The following NUTF2 variants were observed in gnomAD, a reference collection of about 807,000 sequenced individuals.
The protein encoded by NUTF2 is placental protein 15.
Under a neutral mutation model 18.5 loss-of-function variants are expected in NUTF2, and 3 were observed. The observed-to-expected ratio is 0.16, with a 90% confidence interval of 0.07 to 0.42. The LOEUF is 0.42. Ranked by LOEUF, NUTF2 falls within the 10% of genes least tolerant of loss-of-function variation. NUTF2 has a pLI of 0.99. For missense variants in NUTF2, 44 were observed against 160.7 expected (o/e 0.27, Z 3.93); for synonymous variants, 51 against 57.9 (o/e 0.88, Z 0.54).
intron 1 of NUTF2, among the ~76,000 whole-genome samples, chr16:67,862,488 C>T (rs1374052697): frequency 6.6e-6 from 1 of 152,132 alleles, no homozygotes; most frequent in Non-Finnish European, 1.5e-5. Flanking sequence ...TTCCTTTATC[C>T]CTCCACCCCA....
At chr16:67,856,226 T>C (rs1422444246) in intron 1 of NUTF2, 3 of 235,406 alleles carry the variant, frequency 1.3e-5, no homozygotes, top group Non-Finnish European at 2.5e-5. Flanking sequence ...ACAGTCTCGC[T>C]CTGTCGCCTA....
intron 1 of NUTF2, among the ~76,000 whole-genome samples, chr16:67,849,736 G>T (rs1213832333): frequency 1.3e-5 from 2 of 151,690 alleles, no homozygotes; most frequent in Admixed American, 1.3e-4. Flanking sequence ...TCTGCTCATT[G>T]CAAGCTCCGC....
Position 67,871,774 on chromosome 16 carries a change from T to C in NUTF2, c.*861T>C, listed in dbSNP as rs1338844585. Reference sequence around the variant, plus strand: ...TCTATCCCCAGAAGGATCAGGATCATATCCAGGATGCCCCACATACACCAA... The same window carrying C: ...TCTATCCCCAGAAGGATCAGGATCACATCCAGGATGCCCCACATACACCAA... On this transcript the variant is annotated 3_prime_UTR_variant, in exon 5 of 5. Transcript: ENST00000219169. 7 of 152,364 alleles carry C rather than the reference T, an allele frequency of 4.6e-5. No individual in the cohort carries two copies. The highest frequency in any genetic ancestry group is 1.7e-4 in the African/African-American group (7 of 41,570). 9.4% of individuals were successfully genotyped at this position (152,364 alleles called of 1,614,324 possible). A position where few individuals can be genotyped will look rare whatever the true frequency, so the allele number is the denominator to read the frequency against.
intron 1 of NUTF2, among the ~76,000 whole-genome samples, chr16:67,849,960 AT>A (rs2057840793): frequency 6.6e-6 from 1 of 150,808 alleles, no homozygotes; most frequent in South Asian, 2.1e-4. Context: ...GTCCGGCCTT[AT>A]TTTTATTTTT....
At chr16:67,853,274 C>T (rs1269179500) in intron 1 of NUTF2, among the ~76,000 whole-genome samples, 1 of 152,166 alleles carries the variant, frequency 6.6e-6, no homozygotes. Context: ...TCACTGCAGC[C>T]TTGACCTCCT....
chr16:67,849,949 C>T (rs1363164077), intron 1 of NUTF2, among the ~76,000 whole-genome samples: 3 of 152,122 alleles, frequency 2.0e-5, no homozygotes, highest in South Asian at 2.1e-4. Context: ...TGAGCCACCA[C>T]GTCCGGCCTT....
chr16:67,862,986 G>A (rs1402795145), intron 1 of NUTF2, among the ~76,000 whole-genome samples: 1 of 152,202 alleles, frequency 6.6e-6, no homozygotes, highest in South Asian at 2.1e-4. Flanking sequence ...TAGGCAGTGG[G>A]TATGGCACCT....
intron 1 of NUTF2, among the ~76,000 whole-genome samples, chr16:67,850,910 C>T (rs893114008): frequency 6.6e-6 from 1 of 151,144 alleles, no homozygotes; most frequent in Non-Finnish European, 1.5e-5. Flanking sequence ...AAGCAATTCT[C>T]CTGCCTCAGC....
At chr16:67,856,426 A>G (rs1291802467) in intron 1 of NUTF2, among the ~76,000 whole-genome samples, 1 of 150,990 alleles carries the variant, frequency 6.6e-6, no homozygotes, top group Non-Finnish European at 1.5e-5. Flanking sequence ...TCCTGACTTC[A>G]TGATCCACCT....
chr16:67,870,749 C>T, intron 4 of NUTF2, 51 bp from the exon 5 acceptor site: 1 of 1,450,686 alleles, frequency 6.9e-7, no homozygotes, highest in Non-Finnish European at 9.7e-7. Flanking sequence ...CCACTGAATT[C>T]CCTTCCTGTT....
At chr16:67,861,919 TG>T (rs1334125499) in intron 1 of NUTF2, among the ~76,000 whole-genome samples, 1 of 152,144 alleles carries the variant, frequency 6.6e-6, no homozygotes, top group African/African-American at 2.4e-5. Flanking sequence ...CTTCTTTTTT[TG>T]GACTCAAGAG....
chr16:67,853,689 T>A (rs1297936565), intron 1 of NUTF2, among the ~76,000 whole-genome samples: 2 of 152,150 alleles, frequency 1.3e-5, no homozygotes, highest in African/African-American at 4.8e-5. Context: ...TTTTTTAGTT[T>A]TTGTGGAGAC....
At chr16:67,848,016 T>A (rs146430564) in intron 1 of NUTF2, among the ~76,000 whole-genome samples, 1 of 152,320 alleles carries the variant, frequency 6.6e-6, no homozygotes, top group East Asian at 1.9e-4. Context: ...CCTCACTTGC[T>A]TGCTCACTTC....
chr16:67,860,578 T>A (rs971100777), intron 1 of NUTF2, among the ~76,000 whole-genome samples: 3 of 152,254 alleles, frequency 2.0e-5, no homozygotes, highest in African/African-American at 7.2e-5. Flanking sequence ...GCCTTGGGCC[T>A]GAGGGGTTTA....
chr16:67,870,907 T>C lies in NUTF2; in HGVS notation c.378T>C (p.Phe126=), dbSNP rs2058006626. The C allele has an allele frequency of 5.0e-6, 8 of 1,612,832 alleles. No homozygotes were observed. The highest frequency in any genetic ancestry group is 1.3e-5 in the African/African-American group (1 of 74,926). The change falls in exon 5 of 5, where the codon TTT becomes TTC. Residue 126 remains phenylalanine (F), a synonymous_variant. Transcript: ENST00000219169. ...NDMFRLALHN[F]G The stretch of plus-strand genomic sequence containing the variant: ...TGTTCAGGCTCGCCCTGCACAACTT[T>C]GGCTGACCTCCTCTCAGCTAGGCAC...
At chr16:67,857,422 T>G (rs2057905136) in intron 1 of NUTF2, among the ~76,000 whole-genome samples, 1 of 152,310 alleles carries the variant, frequency 6.6e-6, no homozygotes, top group South Asian at 2.1e-4. Context: ...GAAAGGATTC[T>G]GTCTTGGCCA....
chr16:67,861,102 T>C (rs2057932504), intron 1 of NUTF2, among the ~76,000 whole-genome samples: 1 of 152,184 alleles, frequency 6.6e-6, no homozygotes, highest in African/African-American at 2.4e-5. Context: ...ACGTTGTCAC[T>C]AGAAGTCCTG....
chr16:67,855,419 G>T (rs1110922), intron 1 of NUTF2, among the ~76,000 whole-genome samples: 151,582 of 152,262 alleles, frequency 1, 75,453 homozygotes, highest in Middle Eastern at 1. Flanking sequence ...TTCATTGTCT[G>T]GGGCGTTACT....
At position 67,850,809 on chromosome 16, in the gene NUTF2, A is replaced by AT. The variant is rs953133935; in HGVS notation, c.-30+3833dup. Reference sequence around the variant, plus strand: ...TATAGGAGCCTATCTGCCTATCACTATTTTTTTTTGAGACAGAGCCTCGCT... The same window carrying AT: ...TATAGGAGCCTATCTGCCTATCACTATTTTTTTTTTGAGACAGAGCCTCGCT... On this transcript the variant is annotated intron_variant, in intron 1 of 4. Transcript: ENST00000219169. Among the ~76,000 whole-genome samples, 39 of 150,600 alleles carry AT rather than the reference A, an allele frequency of 2.6e-4. No homozygotes were observed. In the South Asian group the frequency reaches 2.7e-3, roughly 11 times the overall value.
Sources: allele counts gnomAD v4.1 joint callset (sites outside exome capture counted in the v4.1 genomes callset), GRCh38; gene constraint gnomAD v4.1.1; transcripts MANE v1.5; gene names NCBI Gene and HGNC (gene_info 2026-07-23, HGNC 2026-07-21).